The following TJP2 variants were observed in gnomAD, a reference collection of about 807,000 sequenced individuals.
TJP2 encodes tight junction protein 2.
Under a neutral mutation model 133.1 loss-of-function variants are expected in TJP2, and 91 were observed. The observed-to-expected ratio is 0.68, with a 90% CI of 0.58 to 0.81. The LOEUF (loss-of-function observed/expected upper bound fraction) is 0.81. TJP2 is among the 40% of genes least tolerant of loss of function. The probability of loss-of-function intolerance (pLI) is 0.00; values close to 1 mark genes in which losing one functional copy is unlikely to be tolerated. For synonymous variants in TJP2, 592 were observed against 583.4 expected (o/e 1.01, Z -0.21); for missense variants, 1,541 against 1,565.6 (o/e 0.98, Z 0.26).
chr9:69,170,232 A>AT (rs1293628403), upstream of TJP2, among the ~76,000 whole-genome samples: 1 of 152,224 alleles, frequency 6.6e-6, no homozygotes, highest in African/African-American at 2.4e-5. Flanking sequence ...CAATAACTAA[A>AT]TTTAAAAAGA....
chr9:69,212,634 C>G (rs1359900748), intron 2 of TJP2, 33 bp downstream of exon 2: 1 of 1,553,408 alleles, frequency 6.4e-7, no homozygotes, highest in Non-Finnish European at 8.9e-7. Flanking sequence ...ATTCTACAGT[C>G]ATGTTCTTGA....
At chr9:69,200,729 C>T (rs1826926740) in intron 1 of TJP2, among the ~76,000 whole-genome samples, 2 of 152,140 alleles carry the variant, frequency 1.3e-5, no homozygotes, top group South Asian at 4.1e-4. Context: ...GCTATAACCC[C>T]ACCACTCACC....
At chr9:69,164,780 C>T (rs569282868) in intron 2 of TJP2, among the ~76,000 whole-genome samples, 7 of 152,124 alleles carry the variant, frequency 4.6e-5, no homozygotes, top group Non-Finnish European at 8.8e-5. Context: ...ATAGAGGGGC[C>T]GGAAAGCCGG....
chr9:69,145,842 T>G (rs1010844391), intron 1 of TJP2: 42 of 1,217,920 alleles, frequency 3.4e-5, no homozygotes, highest in Non-Finnish European at 4.0e-5. Context: ...GGCTGGAAGC[T>G]TCTCACTATA....
chr9:69,169,265 G>A (rs1824537349), intron 2 of TJP2, among the ~76,000 whole-genome samples: 1 of 151,616 alleles, frequency 6.6e-6, no homozygotes, highest in African/African-American at 2.4e-5. Context: ...AGGCATTCAA[G>A]AAAGGTTTGT....
intron 1 of TJP2, among the ~76,000 whole-genome samples, chr9:69,183,060 G>A (rs1049404705): frequency 2.6e-5 from 4 of 151,896 alleles, no homozygotes; most frequent in African/African-American, 9.7e-5. Flanking sequence ...GCCTCCCAAA[G>A]TGCTGGAATT....
chr9:69,246,778 C>T lies in TJP2; in HGVS notation c.2655C>T (p.Val885=). The T allele has an allele frequency of 6.2e-7, 1 of 1,614,026 alleles. No individual in the cohort carries two copies. The highest frequency in any genetic ancestry group is 8.5e-7 in the Non-Finnish European group (1 of 1,179,956). The part of the protein sequence containing the change: ...IQHQQGEAVW[V]SEGKMEGMDD... ...ATCAGCAAGGAGAAGCGGTTTGGGT[C>T]TCTGAAGGAAAGGTATGTGGCATAG... is the stretch of plus-strand genomic sequence containing the variant. Residue 885 remains valine (V), a synonymous_variant, in exon 18 of 23, where the codon GTC becomes GTT. Coordinates refer to ENST00000377245, the MANE Select transcript of TJP2 (RefSeq NM_004817.4).
chr9:69,161,942 G>A (rs1268655449), intron 2 of TJP2, among the ~76,000 whole-genome samples: 1 of 150,170 alleles, frequency 6.7e-6, no homozygotes, highest in Non-Finnish European at 1.5e-5. Context: ...AGCTACTTGG[G>A]AGGGTGAGGC....
chr9:69,228,861 T>C (rs921994946), intron 9 of TJP2, among the ~76,000 whole-genome samples: 3 of 152,208 alleles, frequency 2.0e-5, no homozygotes, highest in Non-Finnish European at 4.4e-5. Context: ...CCTACAATTA[T>C]CATCATAATT....
At chr9:69,225,939 T>G in intron 6 of TJP2, 83 bp from the exon 7 acceptor site, 1 of 1,471,316 alleles carries the variant, frequency 6.8e-7, no homozygotes, top group Non-Finnish European at 9.5e-7. Flanking sequence ...GCAAAGCCTT[T>G]ACATTTTTAG....
chr9:69,150,630 G>A (rs764895603), intron 1 of TJP2, among the ~76,000 whole-genome samples: 4 of 152,060 alleles, frequency 2.6e-5, no homozygotes, highest in Non-Finnish European at 4.4e-5. Flanking sequence ...TTTCTCACCC[G>A]CTGATATTTG....
At chr9:69,192,441 G>A (rs1457102642) in intron 1 of TJP2, among the ~76,000 whole-genome samples, 2 of 152,092 alleles carry the variant, frequency 1.3e-5, no homozygotes, top group African/African-American at 4.8e-5. Context: ...TGGAGCAGTC[G>A]GAGAAAGCTT....
rs1265138299 is a variant in TJP2, at chr9:69,254,564, G to A, written c.*190G>A. On this transcript the variant is annotated 3_prime_UTR_variant, in exon 23 of 23. Transcript: ENST00000377245. ...TTCAGAACTGAGGGCTCTGTTTGTG[G>A]GACTGGGTTAGAGGAGTCTGTGGCT... 1.4e-6 allele frequency: 1 copy of A among 713,500 alleles called. No homozygotes were observed. Among genetic ancestry groups the A allele is most frequent in the Admixed American group, 2.1e-5 (1 of 46,872 alleles). 44.2% of individuals were successfully genotyped at this position (713,500 alleles called of 1,614,324 possible).
chr9:69,195,037 G>A (rs1826452566), intron 1 of TJP2, among the ~76,000 whole-genome samples: 1 of 152,204 alleles, frequency 6.6e-6, no homozygotes. Context: ...AGGTCTGGGA[G>A]GGAACGATTG....
At chr9:69,161,658 CTATTA>C (rs1824080731) in intron 2 of TJP2, among the ~76,000 whole-genome samples, 1 of 151,730 alleles carries the variant, frequency 6.6e-6, no homozygotes, top group Non-Finnish European at 1.5e-5. Context: ...GAGCTGAGCA[CTATTA>C]TATATTATTA....
At chr9:69,156,073 T>TA (rs1374493024) in intron 2 of TJP2, among the ~76,000 whole-genome samples, 3 of 152,156 alleles carry the variant, frequency 2.0e-5, no homozygotes, top group Admixed American at 2.0e-4. Context: ...TCAATCAACT[T>TA]AGAGAGTTTG....
intron 14 of TJP2, among the ~76,000 whole-genome samples, chr9:69,237,433 A>G (rs1244644746): frequency 6.6e-6 from 1 of 152,202 alleles, no homozygotes; most frequent in Non-Finnish European, 1.5e-5. Flanking sequence ...TGGGAGGCCA[A>G]GGTGGGAGGA....
intron 15 of TJP2, 70 bp from the exon 16 acceptor site, chr9:69,238,640 G>T: frequency 8.2e-7 from 1 of 1,223,098 alleles, no homozygotes; most frequent in Non-Finnish European, 1.2e-6. Context: ...ATTGCTTGAT[G>T]CTAGGTGGGA....
At chr9:69,234,591 G>GGGGGGGGGC in intron 12 of TJP2, 44 bp downstream of exon 12, 12 of 572,792 alleles carry the variant, frequency 2.1e-5, no homozygotes, top group Non-Finnish European at 3.4e-5. Context: ...TGGGGGTGGG[G>GGGGGGGGGC]AGTGGGAAGG....
Sources: allele counts gnomAD v4.1 joint callset (sites outside exome capture counted in the v4.1 genomes callset), GRCh38; gene constraint gnomAD v4.1.1; transcripts MANE v1.5; gene names NCBI Gene and HGNC (gene_info 2026-07-23, HGNC 2026-07-21).